The following PLEKHA7 variants were observed in gnomAD, a reference collection of about 807,000 sequenced individuals.
The protein encoded by PLEKHA7 is pleckstrin homology domain containing A7, also known as pleckstrin homology domain-containing family A member 7.
Under a neutral mutation model 170.0 loss-of-function variants are expected in PLEKHA7, and 104 were observed. The ratio of observed to expected loss-of-function variants is 0.61; its 90% CI spans 0.52 to 0.72. The LOEUF (loss-of-function observed/expected upper bound fraction) is 0.72. Ranked by LOEUF, PLEKHA7 falls within the 30% of genes least tolerant of loss-of-function variation. The probability of loss-of-function intolerance (pLI) is 0.00; values close to 1 mark genes in which losing one functional copy is unlikely to be tolerated. For synonymous variants in PLEKHA7, 648 were observed against 660.8 expected, an observed-to-expected ratio of 0.98 and a Z score of 0.30; for missense variants, 1,615 against 1,671.7, an observed-to-expected ratio of 0.97 and a Z score of 0.59.
At chr11:16,813,008 T>C (rs1465848836) in intron 13 of PLEKHA7, 105 bp downstream of exon 13, 1 of 852,310 alleles carries the variant, frequency 1.2e-6, no homozygotes, top group African/African-American at 1.7e-5. Context: ...AGAATTCAGA[T>C]TGGATAAGAC....
chr11:16,851,375 A>C, intron 7 of PLEKHA7, 84 bp from the exon 8 acceptor site: 2 of 963,930 alleles, frequency 2.1e-6, no homozygotes, highest in South Asian at 1.9e-5. Flanking sequence ...AACTTCAGCC[A>C]AGTTGTTTCC....
chr11:17,001,639 T>C (rs1348764555), intron 3 of PLEKHA7, among the ~76,000 whole-genome samples: 1 of 151,906 alleles, frequency 6.6e-6, no homozygotes, highest in African/African-American at 2.4e-5. Context: ...CACCATAGAG[T>C]GTGATGTAGG....
chr11:16,972,997 G>A (rs1446690002), intron 3 of PLEKHA7, among the ~76,000 whole-genome samples: 2 of 152,194 alleles, frequency 1.3e-5, no homozygotes, highest in Admixed American at 1.3e-4. Context: ...AAAGAGAGAG[G>A]CTTGACTCTC....
At chr11:16,922,189 A>G (rs1314752482) in intron 3 of PLEKHA7, among the ~76,000 whole-genome samples, 1 of 79,610 alleles carries the variant, frequency 1.3e-5, no homozygotes, top group Non-Finnish European at 3.0e-5. Flanking sequence ...CTTATTTTCT[A>G]CATTTAAAAA....
At chr11:16,887,538 C>T (rs943233918) in intron 3 of PLEKHA7, among the ~76,000 whole-genome samples, 2 of 152,154 alleles carry the variant, frequency 1.3e-5, no homozygotes, top group Non-Finnish European at 2.9e-5. Context: ...GGATTGCAGG[C>T]GCGCACCACC....
intron 13 of PLEKHA7, among the ~76,000 whole-genome samples, chr11:16,804,890 G>A (rs571981770): frequency 3.3e-4 from 42 of 125,962 alleles, no homozygotes; most frequent in African/African-American, 9.5e-4. Context: ...CCTGCAATGC[G>A]GGGGGGGCGG....
At chr11:16,816,394 A>T (rs1390049272) in intron 11 of PLEKHA7, 130 bp from the exon 12 acceptor site, 2 of 691,986 alleles carry the variant, frequency 2.9e-6, no homozygotes, top group Non-Finnish European at 5.1e-6. Flanking sequence ...CACACATCTT[A>T]CTCTCAGGGT....
At chr11:16,844,086 G>A (rs1455932295) in intron 8 of PLEKHA7, among the ~76,000 whole-genome samples, 1 of 152,126 alleles carries the variant, frequency 6.6e-6, no homozygotes, top group African/African-American at 2.4e-5. Flanking sequence ...CCCAGCCATA[G>A]AGGGTTCTGG....
intron 3 of PLEKHA7, among the ~76,000 whole-genome samples, chr11:16,901,051 T>G (rs934774995): frequency 1.3e-5 from 2 of 152,140 alleles, no homozygotes; most frequent in African/African-American, 4.8e-5. Flanking sequence ...CACCCCATGT[T>G]GGCCAGGCTG....
chr11:16,857,211 C>T (rs1304955855), intron 4 of PLEKHA7, among the ~76,000 whole-genome samples: 9 of 152,230 alleles, frequency 5.9e-5, no homozygotes, highest in African/African-American at 1.4e-4. Flanking sequence ...CAGAAGTAGC[C>T]GTGACTACTG....
intron 3 of PLEKHA7, among the ~76,000 whole-genome samples, chr11:16,896,023 A>G (rs777785731): frequency 7.9e-5 from 12 of 152,190 alleles, no homozygotes; most frequent in Non-Finnish European, 1.3e-4. Context: ...ATGGTCCCCA[A>G]GGTTCTGGTG....
intron 3 of PLEKHA7, among the ~76,000 whole-genome samples, chr11:16,984,299 GAAT>G (rs1863603829): frequency 6.6e-6 from 1 of 151,614 alleles, no homozygotes; most frequent in African/African-American, 2.4e-5. Flanking sequence ...TAAGTACTTA[GAAT>G]AATTAGAATA....
intron 3 of PLEKHA7, among the ~76,000 whole-genome samples, chr11:17,012,231 A>G (rs1226137661): frequency 6.6e-6 from 1 of 152,220 alleles, no homozygotes; most frequent in East Asian, 1.9e-4. Context: ...CACTGGGCTT[A>G]GAATAAAGTA....
intron 3 of PLEKHA7, among the ~76,000 whole-genome samples, chr11:16,923,937 C>G (rs1010343551): frequency 6.6e-6 from 1 of 152,142 alleles, no homozygotes; most frequent in Non-Finnish European, 1.5e-5. Context: ...CTCTAAGGCA[C>G]AATGCTACCA....
chr11:16,904,543 C>A (rs911151762), intron 3 of PLEKHA7, among the ~76,000 whole-genome samples: 3 of 152,126 alleles, frequency 2.0e-5, no homozygotes, highest in African/African-American at 7.2e-5. Flanking sequence ...ATTATCTTTA[C>A]AAAATGCAAG....
intron 3 of PLEKHA7, among the ~76,000 whole-genome samples, chr11:16,959,421 G>GA (rs1861910044): frequency 6.6e-6 from 1 of 152,158 alleles, no homozygotes. Flanking sequence ...ATTACCTCAG[G>GA]AAACTGCAGA....
At chr11:16,784,110 A>C (rs1849244329) in intron 24 of PLEKHA7, among the ~76,000 whole-genome samples, 1 of 152,138 alleles carries the variant, frequency 6.6e-6, no homozygotes, top group Non-Finnish European at 1.5e-5. Flanking sequence ...CAGGATAAAA[A>C]ATGATCATCC....
At chr11:16,838,463 T>C (rs1156260660) in intron 9 of PLEKHA7, among the ~76,000 whole-genome samples, 1 of 149,496 alleles carries the variant, frequency 6.7e-6, no homozygotes, top group Non-Finnish European at 1.5e-5. Context: ...CAGTGAACTA[T>C]GATCATACCA....
At position 16,976,743 on chromosome 11, in the gene PLEKHA7, C is replaced by T. The variant is rs749301981; in HGVS notation, c.221+37246G>A. Among the ~76,000 whole-genome samples, 14 of 152,328 alleles carry T rather than the reference C, an allele frequency of 9.2e-5. No individual in the cohort carries two copies. In the East Asian group the frequency reaches 1.9e-3, roughly 21 times the overall value. On this transcript the variant is annotated intron_variant, in intron 3 of 26. Coordinates refer to ENST00000531066, the MANE Select transcript of PLEKHA7 (RefSeq NM_001329630.2). ...TATGGAACAAACTGTTTTCTTAGAG[C>T]GGTTCGGATGTCTTCCTGTCATTTT...
Sources: allele counts gnomAD v4.1 joint callset (sites outside exome capture counted in the v4.1 genomes callset), GRCh38; gene constraint gnomAD v4.1.1; transcripts MANE v1.5; gene names NCBI Gene and HGNC (gene_info 2026-07-23, HGNC 2026-07-21).